The following FCN3 variants were observed in gnomAD, a reference collection of about 807,000 sequenced individuals.
The protein encoded by FCN3 is ficolin 3, also known as ficolin-3.
In FCN3, 28 loss-of-function variants were observed where a neutral mutation model predicts 31.5. The observed-to-expected ratio is 0.89, with a 90% CI of 0.66 to 1.22. The LOEUF is 1.22. Among genes scored for constraint, FCN3 ranks in the 50% most tolerant of loss-of-function variants. The pLI, the probability that FCN3 is intolerant of heterozygous loss-of-function variation, is 0.00. For synonymous variants in FCN3, 124 were observed against 147.4 expected, an observed-to-expected ratio of 0.84 and a Z score of 1.15; for missense variants, 351 against 386.8, an observed-to-expected ratio of 0.91 and a Z score of 0.78.
At chr1:27,373,296 C>T (rs758684318) in intron 4 of FCN3, 33 bp from the exon 5 acceptor site, 9 of 1,613,264 alleles carry the variant, frequency 5.6e-6, no homozygotes, top group Admixed American at 5.0e-5. Context: ...GGGTGGTGCC[C>T]AGGTTATTCC....
chr1:27,373,339 T>TGGGACCCTA, intron 4 of FCN3, 76 bp from the exon 5 acceptor site: 4 of 1,605,752 alleles, frequency 2.5e-6, no homozygotes. Context: ...GGAACAAGTG[T>TGGGACCCTA]GGGACCCTAG....
chr1:27,371,422 AAAT>A (rs888963120), intron 5 of FCN3, among the ~76,000 whole-genome samples: 3 of 152,086 alleles, frequency 2.0e-5, no homozygotes, highest in Non-Finnish European at 4.4e-5. Context: ...CTAAAAATAC[AAAT>A]ATTAGCCGGG....
chr1:27,369,336 T>C lies in FCN3; in HGVS notation c.800A>G (p.Tyr267Cys), dbSNP rs1301110922. 3.7e-6 allele frequency: 6 copies of C among 1,614,114 alleles called. No homozygotes were observed. Among genetic ancestry groups the C allele is most frequent in the Non-Finnish European group, 5.1e-6 (6 of 1,180,032 alleles). Reference protein sequence around the residue: ...SCYRSNLNGRYAVSEAAAHKY... With the variant: ...SCYRSNLNGRCAVSEAAAHKY... ...GTGGGCGGCAGCCTCAGACACTGCA[T>C]AGCGACCATTGAGATTTGATCGGTA... is the stretch of plus-strand genomic sequence containing the variant. The change falls in exon 8 of 8, where the codon TAT becomes TGT. Residue 267 changes from tyrosine to cysteine, a missense_variant. Physicochemically the swap from Tyr to Cys is radical, Grantham distance 194 (BLOSUM62 -2). Transcript: ENST00000270879.
rs763588254 is a variant in FCN3, at chr1:27,373,338, G to C, written c.266-75C>G. The C allele has an allele frequency of 5.0e-5, 81 of 1,606,024 alleles. 1 individual carries two copies. The highest frequency in any genetic ancestry group is 1.8e-4 in the Admixed American group (11 of 59,530). ...CCCACCCCCAGGCACTGGAACAAGT[G>C]TGGGACCCTAGGGACCCTCTTGGCT... On this transcript the variant is annotated intron_variant, in intron 4 of 7. Transcript: ENST00000270879.
At chr1:27,370,060 G>T (rs2016115513) in intron 7 of FCN3, among the ~76,000 whole-genome samples, 1 of 150,348 alleles carries the variant, frequency 6.7e-6, no homozygotes, top group Non-Finnish European at 1.5e-5. Flanking sequence ...AGGCTAGAGT[G>T]CAGTGACACT....
Position 27,373,144 on chromosome 1 carries a change from C to G in FCN3, c.385G>C (p.Gly129Arg). ...ATTTCTCAGACACTCACCAGCCAGC[C>G]GCCCCCCTCGGTGTCCATGTCACAA... ...VFCDMDTEGG[G>R]WLVFQRRQDG... is the part of the protein sequence containing the mutation. Residue 129 changes from glycine to arginine, a missense_variant, in exon 5 of 8, where the codon GGC becomes CGC. Coordinates refer to ENST00000270879, the MANE Select transcript of FCN3 (RefSeq NM_003665.4). 1.2e-6 allele frequency: 2 copies of G among 1,613,858 alleles called. No homozygotes were observed.
Position 27,369,345 on chromosome 1 carries a change from T to C in FCN3, c.791A>G (p.Asn264Ser), listed in dbSNP as rs761471363. The C allele has an allele frequency of 1.4e-5, 22 of 1,614,024 alleles. No homozygotes were observed. In the East Asian group the frequency reaches 3.3e-4, roughly 25 times the overall value. The change falls in exon 8 of 8, where the codon AAT (asparagine) becomes AGT (serine). Residue 264 changes from asparagine to serine, a missense_variant. By Grantham distance (46) the Asn-to-Ser change is conservative. Transcript: ENST00000270879. ...WYASCYRSNLNGRYAVSEAAA... is the reference protein window; with the variant it reads ...WYASCYRSNLSGRYAVSEAAA... ...AGCCTCAGACACTGCATAGCGACCA[T>C]TGAGATTTGATCGGTAACAGGATGC... is the stretch of plus-strand genomic sequence containing the variant.
chr1:27,374,511 C>T, intron 1 of FCN3, 60 bp from the exon 2 acceptor site: 1 of 1,143,204 alleles, frequency 8.7e-7, no homozygotes, highest in South Asian at 1.3e-5. Flanking sequence ...GACCCCTCTT[C>T]AGTTCTCTTC....
Position 27,370,878 on chromosome 1 carries a change from A to C in FCN3, c.488T>G (p.Leu163Arg), listed in dbSNP as rs1355660818. The change falls in exon 6 of 8, where the codon CTG (leucine) becomes CGG (arginine). Residue 163 changes from leucine (L) to arginine (R), a missense_variant. Leu to Arg is a moderately radical substitution (Grantham distance 102). Transcript: ENST00000270879. ...GFGNQESEFW[L>R]GNENLHQLTL... ...AAGCTGGTGCAAATTCTCATTTCCCAGCCAGAATTCAGACTCTTGGTTCCC... is the reference window on the plus strand; with the variant it reads ...AAGCTGGTGCAAATTCTCATTTCCCCGCCAGAATTCAGACTCTTGGTTCCC... The C allele has an allele frequency of 1.4e-5, 23 of 1,614,020 alleles. No individual in the cohort carries two copies. Among genetic ancestry groups the C allele is most frequent in the Non-Finnish European group, 1.8e-5 (21 of 1,180,040 alleles).
chr1:27,370,058 G>A (rs1267845730), intron 7 of FCN3, among the ~76,000 whole-genome samples: 1 of 149,986 alleles, frequency 6.7e-6, no homozygotes, highest in African/African-American at 2.5e-5. Context: ...CCAGGCTAGA[G>A]TGCAGTGACA....
At chr1:27,369,966 C>T (rs1205845476) in intron 7 of FCN3, among the ~76,000 whole-genome samples, 1 of 151,762 alleles carries the variant, frequency 6.6e-6, no homozygotes, top group Non-Finnish European at 1.5e-5. Context: ...GAGCCTCAGG[C>T]GGCACCCAAA....
Position 27,374,711 on chromosome 1 carries a change from G to T in FCN3, c.91+17C>A. On this transcript the variant is annotated intron_variant, in intron 1 of 7. Coordinates refer to ENST00000270879, the MANE Select transcript of FCN3 (RefSeq NM_003665.4). ...AATGAGGAGTGGGTTGGTGAGGAGGGCACCCTAGGTGCCCACCTGGGCAGC... is the reference window on the plus strand; with the variant it reads ...AATGAGGAGTGGGTTGGTGAGGAGGTCACCCTAGGTGCCCACCTGGGCAGC... The T allele has an allele frequency of 1.4e-6, 2 of 1,395,670 alleles. No individual in the cohort carries two copies. The highest frequency in any genetic ancestry group is 9.4e-7 in the Non-Finnish European group (1 of 1,063,328). The allele number at this position is 1,395,670 out of a possible 1,614,324, so 86.5% of individuals were successfully genotyped here.
intron 7 of FCN3, 114 bp from the exon 8 acceptor site, chr1:27,369,591 C>A: frequency 1.1e-6 from 1 of 943,368 alleles, no homozygotes. Flanking sequence ...TATCAGGCCC[C>A]ACGAGCAACA....
chr1:27,370,821 C>A, intron 6 of FCN3, 22 bp downstream of exon 6: 1 of 1,613,334 alleles, frequency 6.2e-7, no homozygotes. Context: ...CCCCAGACTC[C>A]AGGACCCTGC....
chr1:27,370,902 C>T lies in FCN3; in HGVS notation c.464G>A (p.Gly155Glu), dbSNP rs1239137834. ...RSWSSYRAGF[G>E]NQESEFWLGN... ...CAGCCAGAATTCAGACTCTTGGTTC[C>T]CAAAACCTGCTCTGTAGGAGGACCA... Residue 155 changes from glycine to glutamate, a missense_variant, in exon 6 of 8, where the codon GGG becomes GAG. Transcript: ENST00000270879. The T allele has an allele frequency of 1.1e-5, 18 of 1,613,910 alleles. No homozygotes were observed. Among genetic ancestry groups the T allele is most frequent in the Non-Finnish European group, 1.3e-5 (15 of 1,180,016 alleles).
intron 5 of FCN3, 54 bp downstream of exon 5, chr1:27,373,082 G>A (rs2016179445): frequency 1.9e-6 from 3 of 1,591,390 alleles, no homozygotes; most frequent in South Asian, 2.2e-5. Flanking sequence ...TAGGGGCCAA[G>A]GGGGAGAAGT....
intron 5 of FCN3, among the ~76,000 whole-genome samples, chr1:27,371,561 G>A (rs2016146462): frequency 6.6e-6 from 1 of 152,066 alleles, no homozygotes; most frequent in African/African-American, 2.4e-5. Context: ...GGGCAGCAGA[G>A]CAAGACTCCG....
chr1:27,371,016 C>A, intron 5 of FCN3, 44 bp from the exon 6 acceptor site: 1 of 1,598,080 alleles, frequency 6.3e-7, no homozygotes, highest in Non-Finnish European at 8.5e-7. Context: ...AGGCTGGGCA[C>A]TGGCAGCTGA....
chr1:27,374,222 C>T (rs367958301), intron 2 of FCN3, 134 bp downstream of exon 2: 30 of 733,554 alleles, frequency 4.1e-5, no homozygotes, highest in African/African-American at 2.7e-4. Context: ...CTTAGGATGC[C>T]GGGTGCCCAG....
Sources: gnomAD v4.1 joint callset for allele counts (sites outside exome capture counted in the v4.1 genomes callset) on GRCh38, gnomAD v4.1.1 for gene constraint, MANE v1.5 for transcripts, NCBI Gene and HGNC (gene_info 2026-07-23, HGNC 2026-07-21) for gene names.